The following EBF4 variants were observed in gnomAD, a reference collection of about 807,000 sequenced individuals.
EBF4 encodes EBF transcription factor 4.
EBF4 carries 34 observed loss-of-function variants against 67.1 expected under a neutral mutation model. The observed-to-expected ratio is 0.51, with a 90% CI of 0.39 to 0.67. EBF4 has a LOEUF of 0.67. Among genes scored for constraint, EBF4 ranks in the 30% least tolerant of loss-of-function variants. EBF4 has a pLI of 0.00. For missense variants in EBF4, 837 were observed against 873.3 expected (o/e 0.96, Z 0.52); for synonymous variants, 387 against 377.7 (o/e 1.02, Z -0.29).
Position 2,751,580 on chromosome 20 carries a change from G to A in EBF4, c.1019-120G>A, listed in dbSNP as rs1173166907. 2.0e-6 allele frequency: 2 copies of A among 1,003,136 alleles called. No individual in the cohort carries two copies. The highest frequency in any genetic ancestry group is 1.6e-5 in the African/African-American group (1 of 61,958). The allele number at this position is 1,003,136 out of a possible 1,614,324, so 62.1% of individuals were successfully genotyped here. The stretch of plus-strand genomic sequence containing the variant: ...CCGGGGGACTTGGGCTGGGCCTGGT[G>A]GAGGGGGCTGCAGCGAGGCTCTCGG... On this transcript the variant is annotated intron_variant, in intron 10 of 16. Coordinates refer to ENST00000609451, the Ensembl canonical transcript of EBF4. The surrounding 1 kb of genome is among the most constrained non-coding windows in gnomAD (Gnocchi z 5.2).
chr20:2,753,248 G>A (rs6084151), intron 14 of EBF4, among the ~76,000 whole-genome samples: 46,025 of 152,066 alleles, frequency 0.3, 7,316 homozygotes, highest in East Asian at 0.43. Flanking sequence ...GTGTGATTTC[G>A]GAGTCCCAGC....
At chr20:2,704,186 G>A (rs1335847585) in intron 1 of EBF4, among the ~76,000 whole-genome samples, 2 of 152,098 alleles carry the variant, frequency 1.3e-5, no homozygotes, top group Non-Finnish European at 2.9e-5. Flanking sequence ...CTAAGGGCAT[G>A]AATCCCAGGG....
At position 2,745,926 on chromosome 20, in the gene EBF4, C is replaced by T. The variant is rs911619612; in HGVS notation, c.558-2623C>T. On this transcript the variant is annotated intron_variant, in intron 6 of 16. Transcript: ENST00000609451. The surrounding 1 kb of genome is among the most constrained non-coding windows in gnomAD (Gnocchi z 5.2). ...TCTTTTGGTGCAGTCCTATGCTTGT[C>T]GCATCTTCAGTGGTATCCAAAGGTG... Among the ~76,000 whole-genome samples, 4 of 152,272 alleles carry T rather than the reference C, an allele frequency of 2.6e-5. No homozygotes were observed. The highest frequency in any genetic ancestry group is 2.0e-4 in the Admixed American group (3 of 15,298).
At position 2,707,885 on chromosome 20, in the gene EBF4, C is replaced by G; in HGVS notation, c.415-62C>G. On this transcript the variant is annotated intron_variant, in intron 4 of 16. Coordinates refer to ENST00000609451, the Ensembl canonical transcript of EBF4. The surrounding 1 kb of genome is among the most constrained non-coding windows in gnomAD (Gnocchi z 4.6). ...TTGGGAGATGCCAGGTCCGTCTGTGCTGCCACCTGCACCTCAGAGGAGCCT... is the reference window on the plus strand; with the variant it reads ...TTGGGAGATGCCAGGTCCGTCTGTGGTGCCACCTGCACCTCAGAGGAGCCT... The G allele has an allele frequency of 6.8e-7, 1 of 1,470,936 alleles. No individual in the cohort carries two copies. Among genetic ancestry groups the G allele is most frequent in the Non-Finnish European group, 9.2e-7 (1 of 1,086,874 alleles). 91.1% of individuals were successfully genotyped at this position (1,470,936 alleles called of 1,614,324 possible).
At chr20:2,746,669 C>T (rs2088054892) in intron 6 of EBF4, among the ~76,000 whole-genome samples, 1 of 152,196 alleles carries the variant, frequency 6.6e-6, no homozygotes. Context: ...TTGGAGGCAA[C>T]TCTGGTGAAT....
At position 2,756,912 on chromosome 20, in the gene EBF4, A is replaced by G. The variant is rs968430072; in HGVS notation, c.1738+1088A>G. Among the ~76,000 whole-genome samples the G allele has an allele frequency of 1.3e-5, 2 of 152,222 alleles. No individual in the cohort carries two copies. The highest frequency in any genetic ancestry group is 4.8e-5 in the African/African-American group (2 of 41,458). On this transcript the variant is annotated intron_variant, in intron 15 of 16. Transcript: ENST00000609451. The surrounding 1 kb of genome is among the most constrained non-coding windows in gnomAD (Gnocchi z 4.5). ...ACCTTCTAGGAAACAGGAGATGCAA[A>G]TTTATTTGAGCACAAAAATGTATTT...
intron 1 of EBF4, among the ~76,000 whole-genome samples, chr20:2,704,410 G>C (rs1057152476): frequency 6.6e-6 from 1 of 152,212 alleles, no homozygotes; most frequent in Non-Finnish European, 1.5e-5. Context: ...TCAGAGAAGA[G>C]AATCTAACCC....
chr20:2,710,479 T>A (rs1044615216), intron 6 of EBF4, among the ~76,000 whole-genome samples: 1 of 151,848 alleles, frequency 6.6e-6, no homozygotes, highest in South Asian at 2.1e-4. Flanking sequence ...AATGCATAAA[T>A]AAGGTGTAAA....
chr20:2,729,071 A>T (rs1031007644), intron 6 of EBF4, among the ~76,000 whole-genome samples: 1 of 152,178 alleles, frequency 6.6e-6, no homozygotes, highest in Non-Finnish European at 1.5e-5. Flanking sequence ...TAACCATTTT[A>T]AAATGTTTTT....
At chr20:2,730,845 G>C (rs1326469141) in intron 6 of EBF4, among the ~76,000 whole-genome samples, 2 of 152,156 alleles carry the variant, frequency 1.3e-5, no homozygotes, top group Admixed American at 1.3e-4. Flanking sequence ...CTATCAGTCA[G>C]TGCTCCAATC....
chr20:2,693,711 C>T lies in EBF4; in HGVS notation c.66C>T (p.Pro22=). 1.4e-6 allele frequency: 2 copies of T among 1,417,368 alleles called. No individual in the cohort carries two copies. Among genetic ancestry groups the T allele is most frequent in the Non-Finnish European group, 1.8e-6 (2 of 1,091,706 alleles). The allele number at this position is 1,417,368 out of a possible 1,614,324, so 87.8% of individuals were successfully genotyped here. The change falls in exon 1 of 17, where the codon CCC becomes CCT. Residue 22 remains proline, a synonymous_variant. Transcript: ENST00000609451. The surrounding 1 kb of genome is among the most constrained non-coding windows in gnomAD (Gnocchi z 4.6). Reference sequence around the variant, plus strand: ...ACCTGAAGGAGGAGCCGCTGCTGCCCGCCGGCCTGGGCTCAGTGCGCTCCT... The same window carrying T: ...ACCTGAAGGAGGAGCCGCTGCTGCCTGCCGGCCTGGGCTCAGTGCGCTCCT...
In EBF4 at chr20:2,693,888, C is replaced by G; in HGVS notation, c.137+106C>G. 1 of 1,233,734 alleles carries G rather than the reference C, an allele frequency of 8.1e-7. No individual in the cohort carries two copies. 76.4% of individuals were successfully genotyped at this position (1,233,734 alleles called of 1,614,324 possible). ...GCCAGGGGCGGAAGGAGCCCTAACT[C>G]TGGACGGTCCCGGCGAGCTCCCCGG... On this transcript the variant is annotated intron_variant, in intron 1 of 16. Transcript: ENST00000609451. The surrounding 1 kb of genome is among the most constrained non-coding windows in gnomAD (Gnocchi z 4.6).
At chr20:2,748,621 C>A (rs1207831118) in exon 7 of EBF4, 1 of 1,551,558 alleles carries the variant, frequency 6.4e-7, no homozygotes, top group Middle Eastern at 1.7e-4. Flanking sequence ...GAGACATGCG[C>A]CGCTTCCAGG....
chr20:2,695,460 C>T (rs1216680684), intron 1 of EBF4, among the ~76,000 whole-genome samples: 4 of 150,866 alleles, frequency 2.7e-5, no homozygotes, highest in African/African-American at 4.9e-5. Flanking sequence ...TCTGACTCCC[C>T]ACATTGTGAG....
chr20:2,724,911 AAAAAG>A (rs1275993605), intron 6 of EBF4, among the ~76,000 whole-genome samples: 1 of 152,220 alleles, frequency 6.6e-6, no homozygotes. Flanking sequence ...CTCAAAAAAG[AAAAAG>A]AAAAGTTCAG....
chr20:2,713,806 CAG>C lies in EBF4; in HGVS notation c.557+4165_557+4166del, dbSNP rs1253098912. On this transcript the variant is annotated intron_variant, in intron 6 of 16. Transcript: ENST00000609451. ...GGATTGTTGGAGTTGAGATATGAGACAGGGGTTGAACTGGATGTTAGGTGGAT... is the reference window on the plus strand; with the variant it reads ...GGATTGTTGGAGTTGAGATATGAGACGGGTTGAACTGGATGTTAGGTGGAT... Among the ~76,000 whole-genome samples the C allele has an allele frequency of 4.6e-5, 7 of 152,226 alleles. No individual in the cohort carries two copies. The South Asian group carries it at 6.2e-4, about 14-fold the overall frequency.
Position 2,745,545 on chromosome 20 carries a change from G to A in EBF4, c.558-3004G>A, listed in dbSNP as rs2088037593. ...TGAAACCTAGAGTGGCCAGAAAATG[G>A]TGGCTGTACAGGGCGTGAGAATTGG... On this transcript the variant is annotated intron_variant, in intron 6 of 16. Coordinates refer to ENST00000609451, the Ensembl canonical transcript of EBF4. This position sits in a 1 kb window ranked among gnomAD's most constrained non-coding sequence, Gnocchi z 5.2. Among the ~76,000 whole-genome samples, 1 of 152,232 alleles carries A rather than the reference G, an allele frequency of 6.6e-6. No homozygotes were observed. Among genetic ancestry groups the A allele is most frequent in the African/African-American group, 2.4e-5 (1 of 41,466 alleles).
chr20:2,700,042 C>G (rs917942272), intron 1 of EBF4, among the ~76,000 whole-genome samples: 5 of 152,216 alleles, frequency 3.3e-5, no homozygotes, highest in Non-Finnish European at 7.3e-5. Flanking sequence ...TGAGAAGTAA[C>G]AGCCGTAGAA....
Position 2,705,751 on chromosome 20 carries a change from T to C in EBF4, c.294+18T>C, listed in dbSNP as rs1310517963. 6.5e-7 allele frequency: 1 copy of C among 1,535,888 alleles called. No homozygotes were observed. Among genetic ancestry groups the C allele is most frequent in the African/African-American group, 1.4e-5 (1 of 71,650 alleles). On this transcript the variant is annotated intron_variant, in intron 2 of 16. Coordinates refer to ENST00000609451, the Ensembl canonical transcript of EBF4. ...AGGACCGAGTGAGAGGCTCATGGGCTTGGCTGGGACTGGCCCCGGGAGGGA... is the reference window on the plus strand; with the variant it reads ...AGGACCGAGTGAGAGGCTCATGGGCCTGGCTGGGACTGGCCCCGGGAGGGA...
Sources: allele counts gnomAD v4.1 joint callset (sites outside exome capture counted in the v4.1 genomes callset), GRCh38; gene constraint gnomAD v4.1.1; non-coding constraint Gnocchi (gnomAD v3.1); transcripts MANE v1.5; gene names NCBI Gene and HGNC (gene_info 2026-07-23, HGNC 2026-07-21).